The following CCDC85A variants were observed in gnomAD, a reference collection of about 807,000 sequenced individuals.
CCDC85A encodes the protein coiled-coil domain-containing protein 85A.
Under a neutral mutation model 50.2 loss-of-function variants are expected in CCDC85A, and 38 were observed. The ratio of observed to expected loss-of-function variants is 0.76; its 90% CI spans 0.58 to 0.99. The LOEUF (loss-of-function observed/expected upper bound fraction) is 0.99, where lower values mean the gene tolerates loss of function less well. Ranked by LOEUF, CCDC85A falls within the 50% of genes least tolerant of loss-of-function variation. CCDC85A has a pLI of 0.00. For synonymous variants in CCDC85A, 366 were observed against 301.4 expected (o/e 1.21, Z -2.22); for missense variants, 820 against 742.0 (o/e 1.11, Z -1.22).
chr2:56,331,561 T>C (rs1673793917), intron 2 of CCDC85A, among the ~76,000 whole-genome samples: 1 of 152,202 alleles, frequency 6.6e-6, no homozygotes, highest in Non-Finnish European at 1.5e-5. Context: ...CTATTTGCTT[T>C]GGGAAGATTG....
At chr2:56,277,467 G>C (rs1671005182) in intron 2 of CCDC85A, among the ~76,000 whole-genome samples, 1 of 152,006 alleles carries the variant, frequency 6.6e-6, no homozygotes, top group South Asian at 2.1e-4. Context: ...AAAACCTTTA[G>C]AGATTCTTTT....
chr2:56,318,760 C>A (rs986896032), intron 2 of CCDC85A, among the ~76,000 whole-genome samples: 3 of 152,074 alleles, frequency 2.0e-5, no homozygotes, highest in African/African-American at 7.2e-5. Flanking sequence ...CCCTTTGAAT[C>A]TTTGTATTCA....
intron 2 of CCDC85A, among the ~76,000 whole-genome samples, chr2:56,334,961 A>G (rs769166518): frequency 6.6e-6 from 1 of 152,136 alleles, no homozygotes; most frequent in African/African-American, 2.4e-5. Flanking sequence ...TTTGCTTCAT[A>G]AATAGTGGAC....
At chr2:56,246,030 T>C (rs1669494838) in intron 2 of CCDC85A, among the ~76,000 whole-genome samples, 1 of 152,220 alleles carries the variant, frequency 6.6e-6, no homozygotes, top group African/African-American at 2.4e-5. Context: ...GTTCAAGTGA[T>C]TCTCCTGCCT....
At chr2:56,290,409 A>G (rs1343455744) in intron 2 of CCDC85A, among the ~76,000 whole-genome samples, 1 of 151,806 alleles carries the variant, frequency 6.6e-6, no homozygotes, top group Non-Finnish European at 1.5e-5. Context: ...TTTTTTTGCC[A>G]TTTCCTGTGT....
intron 2 of CCDC85A, among the ~76,000 whole-genome samples, chr2:56,225,194 G>T (rs1466964087): frequency 2.0e-5 from 3 of 151,882 alleles, no homozygotes; most frequent in Admixed American, 2.0e-4. Context: ...GAATGTTGAG[G>T]TGGGCAGATC....
rs918194134 is a variant in CCDC85A, at chr2:56,245,810, G to A, written c.1240+52370G>A. On this transcript the variant is annotated intron_variant, in intron 2 of 5. Transcript: ENST00000407595. ...TAAAAGAGGCTTCATATAGCATTTGGGCAGCTTGCCCTTCTGCCATGTGTG... is the reference window on the plus strand; with the variant it reads ...TAAAAGAGGCTTCATATAGCATTTGAGCAGCTTGCCCTTCTGCCATGTGTG... Among the ~76,000 whole-genome samples the A allele has an allele frequency of 5.7e-4, 86 of 152,066 alleles. 2 individuals are homozygous for A. Among genetic ancestry groups the A allele is most frequent in the Non-Finnish European group, 3.7e-4 (25 of 68,018 alleles).
At chr2:56,259,583 T>A (rs1670135392) in intron 2 of CCDC85A, among the ~76,000 whole-genome samples, 1 of 152,206 alleles carries the variant, frequency 6.6e-6, no homozygotes, top group Non-Finnish European at 1.5e-5. Context: ...TTTCACCTGA[T>A]CCTCCTGGCA....
At chr2:56,257,310 G>C (rs1670026497) in intron 2 of CCDC85A, among the ~76,000 whole-genome samples, 1 of 152,110 alleles carries the variant, frequency 6.6e-6, no homozygotes, top group African/African-American at 2.4e-5. Context: ...CGTACTGTAG[G>C]AGTTCAAAGA....
intron 2 of CCDC85A, among the ~76,000 whole-genome samples, chr2:56,301,163 C>A (rs1490787663): frequency 1.3e-5 from 2 of 152,072 alleles, no homozygotes; most frequent in East Asian, 1.9e-4. Context: ...TCCCTAAAAT[C>A]TTTTCTTAAT....
intron 2 of CCDC85A, among the ~76,000 whole-genome samples, chr2:56,335,836 G>T (rs752262683): frequency 6.6e-6 from 1 of 151,764 alleles, no homozygotes; most frequent in Admixed American, 6.6e-5. Flanking sequence ...TCCTGACCTC[G>T]TGGTCCGCCT....
intron 4 of CCDC85A, among the ~76,000 whole-genome samples, chr2:56,374,438 A>C (rs1676235528): frequency 6.6e-6 from 1 of 152,220 alleles, no homozygotes; most frequent in South Asian, 2.1e-4. Flanking sequence ...TTTCCTTATA[A>C]AGCATGGTTT....
intron 2 of CCDC85A, among the ~76,000 whole-genome samples, chr2:56,337,615 T>C (rs2104308826): frequency 6.6e-6 from 1 of 152,316 alleles, no homozygotes; most frequent in Admixed American, 6.5e-5. Flanking sequence ...CAAAATTCTA[T>C]TGATGCATTT....
At chr2:56,312,489 G>A (rs1015918906) in intron 2 of CCDC85A, among the ~76,000 whole-genome samples, 2 of 152,068 alleles carry the variant, frequency 1.3e-5, no homozygotes, top group African/African-American at 4.8e-5. Flanking sequence ...TAATCAGTAT[G>A]TACCATGTAT....
At chr2:56,257,029 C>T (rs4671277) in intron 2 of CCDC85A, among the ~76,000 whole-genome samples, 34,178 of 152,064 alleles carry the variant, frequency 0.22, 4,328 homozygotes, top group Admixed American at 0.31. Context: ...TAGTACTGCC[C>T]TTCTGATACC....
intron 2 of CCDC85A, among the ~76,000 whole-genome samples, chr2:56,323,786 A>G (rs147266364): frequency 4.6e-5 from 7 of 152,224 alleles, no homozygotes; most frequent in Non-Finnish European, 7.4e-5. Flanking sequence ...CACCATATGT[A>G]TTAGGAACTA....
chr2:56,345,568 A>G (rs1004202894), intron 3 of CCDC85A, among the ~76,000 whole-genome samples: 19 of 152,220 alleles, frequency 1.2e-4, no homozygotes, highest in African/African-American at 4.3e-4. Flanking sequence ...CTACTAAGAT[A>G]TAATAGAGGT....
At chr2:56,337,835 A>T (rs2104309490) in intron 2 of CCDC85A, among the ~76,000 whole-genome samples, 1 of 148,140 alleles carries the variant, frequency 6.8e-6, no homozygotes, top group Middle Eastern at 3.5e-3. Context: ...CCCAAGCTGG[A>T]GTGCAGTGGC....
At chr2:56,372,176 T>C (rs528473451) in intron 3 of CCDC85A, among the ~76,000 whole-genome samples, 168 bp from the exon 4 acceptor site, 12 of 152,322 alleles carry the variant, frequency 7.9e-5, no homozygotes, top group African/African-American at 1.9e-4. Context: ...TATGTAGGAC[T>C]TCAGATTGTT....
Sources: allele counts gnomAD v4.1 joint callset (sites outside exome capture counted in the v4.1 genomes callset), GRCh38; gene constraint gnomAD v4.1.1; transcripts MANE v1.5; gene names NCBI Gene and HGNC (gene_info 2026-07-23, HGNC 2026-07-21).